Variants in INPPL1 observed in about 807,000 individuals in gnomAD.
INPPL1 encodes the protein phosphatidylinositol 3,4,5-trisphosphate 5-phosphatase 2.
Under a neutral mutation model 139.3 loss-of-function variants are expected in INPPL1, and 91 were observed. The ratio of observed to expected loss-of-function variants is 0.65; its 90% CI spans 0.55 to 0.78. The LOEUF (loss-of-function observed/expected upper bound fraction) is 0.78, where lower values mean the gene tolerates loss of function less well. Ranked by LOEUF, INPPL1 falls within the 30% of genes least tolerant of loss-of-function variation. The pLI is 0.00. For missense variants in INPPL1, 1,411 were observed against 1,665.6 expected (o/e 0.85, Z 2.66); for synonymous variants, 719 against 686.6 (o/e 1.05, Z -0.74).
Position 72,235,521 on chromosome 11 carries a change from T to A in INPPL1, c.2659+70T>A. On this transcript the variant is annotated intron_variant, in intron 23 of 27. Transcript: ENST00000298229. This position sits in a 1 kb window ranked among gnomAD's most constrained non-coding sequence, Gnocchi z 4.9. ...CAAGGAGGGCAGGGTGCGGGGGGCA[T>A]GTTGGAATCTCTGGGATACCTGGAG... is the stretch of plus-strand genomic sequence containing the variant. The A allele has an allele frequency of 6.4e-7, 1 of 1,571,142 alleles. No homozygotes were observed. Among genetic ancestry groups the A allele is most frequent in the Non-Finnish European group, 8.7e-7 (1 of 1,153,274 alleles).
intron 1 of INPPL1, among the ~76,000 whole-genome samples, chr11:72,225,741 C>A (rs995234840): frequency 1.3e-5 from 2 of 152,148 alleles, no homozygotes; most frequent in Admixed American, 6.5e-5. Flanking sequence ...ATTTCTGAAC[C>A]AATGAGTGAG....
chr11:72,232,980 T>C lies in INPPL1; in HGVS notation c.1951+6T>C. The C allele has an allele frequency of 6.2e-7, 1 of 1,613,596 alleles. No homozygotes were observed. Among genetic ancestry groups the C allele is most frequent in the Non-Finnish European group, 8.5e-7 (1 of 1,179,690 alleles). ...CAAGGTCTTCCTTCGATTCAGTGAGTGTGGGCCTGGTAGGTGGTGATCTGA... is the reference window on the plus strand; with the variant it reads ...CAAGGTCTTCCTTCGATTCAGTGAGCGTGGGCCTGGTAGGTGGTGATCTGA... On this transcript the variant is annotated splice_donor_region_variant and intron_variant, in intron 16 of 27. Coordinates refer to ENST00000298229, the MANE Select transcript of INPPL1 (RefSeq NM_001567.4).
chr11:72,233,521 T>C lies in INPPL1; in HGVS notation c.2121T>C (p.Tyr707=), dbSNP rs141675474. 1.4e-5 allele frequency: 22 copies of C among 1,613,798 alleles called. No individual in the cohort carries two copies. The South Asian group carries it at 1.5e-4, about 11-fold the overall frequency. Residue 707 remains tyrosine, a splice_region_variant and synonymous_variant, in exon 18 of 28, where the codon TAT becomes TAC. Transcript: ENST00000298229. The part of the protein sequence containing the change: ...YPETHIICNS[Y]GCTDDIVTSD... ...AAACTCACATCATCTGCAATTCTTATGGTCAGAGCCTCCCGGACAGAGTGA... is the reference window on the plus strand; with the variant it reads ...AAACTCACATCATCTGCAATTCTTACGGTCAGAGCCTCCCGGACAGAGTGA...
At chr11:72,225,611 G>A in intron 1 of INPPL1, 1 of 829,346 alleles carries the variant, frequency 1.2e-6, no homozygotes, top group Non-Finnish European at 1.5e-6. Flanking sequence ...CTTCCTTAGG[G>A]CCCCTTTCGG....
upstream of INPPL1, chr11:72,223,679 C>T (rs1408898135): frequency 6.6e-6 from 1 of 151,998 alleles, no homozygotes; most frequent in African/African-American, 2.4e-5. Context: ...GCTCGGCCCC[C>T]AGAGCCGGCC....
Position 72,234,510 on chromosome 11 carries a change from T to TCCC in INPPL1, c.2327-16_2327-14dup. ...GAGAGGTGGTGCTCAGTTGGGTGTC[T>TCCC]CCCACCCCCACCCCAGAATACAAGA... On this transcript the variant is annotated splice_polypyrimidine_tract_variant and intron_variant, in intron 20 of 27. Coordinates refer to ENST00000298229, the MANE Select transcript of INPPL1 (RefSeq NM_001567.4). The surrounding 1 kb of genome is among the most constrained non-coding windows in gnomAD (Gnocchi z 4.2). 6 of 1,588,412 alleles carry TCCC rather than the reference T, an allele frequency of 3.8e-6. No individual in the cohort carries two copies. The highest frequency in any genetic ancestry group is 5.2e-6 in the Non-Finnish European group (6 of 1,156,814).
intron 18 of INPPL1, 60 bp from the exon 19 acceptor site, chr11:72,233,595 G>A (rs1399895194): frequency 1.0e-5 from 16 of 1,605,648 alleles, no homozygotes; most frequent in Non-Finnish European, 1.4e-5. Context: ...AACCTTGGGA[G>A]GTGGGAGCCG....
chr11:72,236,559 TG>T (rs35752296), intron 25 of INPPL1, among the ~76,000 whole-genome samples: 2 of 152,376 alleles, frequency 1.3e-5, no homozygotes, highest in Middle Eastern at 6.8e-3. Flanking sequence ...ATTAACGTTC[TG>T]GGGAATTAGT....
chr11:72,225,342 TC>T, intron 1 of INPPL1, 176 bp downstream of exon 1: 1 of 985,390 alleles, frequency 1.0e-6, no homozygotes. Flanking sequence ...CAGGGGCACT[TC>T]CTGCTGTGTG....
chr11:72,233,537 G>A lies in INPPL1; in HGVS notation c.2122+15G>A, dbSNP rs1216378784. 6.2e-7 allele frequency: 1 copy of A among 1,612,466 alleles called. No homozygotes were observed. Among genetic ancestry groups the A allele is most frequent in the African/African-American group, 1.3e-5 (1 of 74,872 alleles). The stretch of plus-strand genomic sequence containing the variant: ...CAATTCTTATGGTCAGAGCCTCCCG[G>A]ACAGAGTGATGGGAGATCTGGGGTG... On this transcript the variant is annotated intron_variant, in intron 18 of 27. Transcript: ENST00000298229.
chr11:72,228,317 G>C lies in INPPL1; in HGVS notation c.247-31G>C, dbSNP rs1948730925. The C allele has an allele frequency of 6.2e-7, 1 of 1,613,868 alleles. No homozygotes were observed. Among genetic ancestry groups the C allele is most frequent in the Non-Finnish European group, 8.5e-7 (1 of 1,179,964 alleles). On this transcript the variant is annotated intron_variant, in intron 2 of 27. Transcript: ENST00000298229. This position sits in a 1 kb window ranked among gnomAD's most constrained non-coding sequence, Gnocchi z 5.0. ...CCTAGGGCTTGGGGACCTGCTGGCTGACCCTTCCTCCCACCCTTGCTGGCC... is the reference window on the plus strand; with the variant it reads ...CCTAGGGCTTGGGGACCTGCTGGCTCACCCTTCCTCCCACCCTTGCTGGCC...
At position 72,229,665 on chromosome 11, in the gene INPPL1, C is replaced by T. The variant is rs1395514139; in HGVS notation, c.756C>T (p.Asn252=). 2 of 1,614,068 alleles carry T rather than the reference C, an allele frequency of 1.2e-6. No homozygotes were observed. The highest frequency in any genetic ancestry group is 1.7e-5 in the Admixed American group (1 of 60,026). The change falls in exon 7 of 28, where the codon AAC becomes AAT. Residue 252 remains asparagine, a splice_region_variant and synonymous_variant. Coordinates refer to ENST00000298229, the MANE Select transcript of INPPL1 (RefSeq NM_001567.4). ...AGCCTGGTTCTTCCTCCCCCCAGAACCTGCCACAGACAGGGGAGCAGGAAC... is the reference window on the plus strand; with the variant it reads ...AGCCTGGTTCTTCCTCCCCCCAGAATCTGCCACAGACAGGGGAGCAGGAAC... ...PMVTRLLQQQ[N]LPQTGEQELE... is the part of the protein sequence containing the mutation.
In INPPL1 at chr11:72,234,526, G is replaced by A. The variant is rs1282742166; in HGVS notation, c.2327-1G>A. ...TTGGGTGTCTCCCACCCCCACCCCA[G>A]AATACAAGAAGAGCTTTGAGAATGA... On this transcript the variant is annotated splice_acceptor_variant, in intron 20 of 27. Coordinates refer to ENST00000298229, the MANE Select transcript of INPPL1 (RefSeq NM_001567.4). LOFTEE classifies it high-confidence loss of function. The surrounding 1 kb of genome is among the most constrained non-coding windows in gnomAD (Gnocchi z 4.2). 14 of 1,042,664 alleles carry A rather than the reference G, an allele frequency of 1.3e-5. No individual in the cohort carries two copies. Among genetic ancestry groups the A allele is most frequent in the East Asian group, 2.4e-5 (1 of 41,880 alleles). The allele number at this position is 1,042,664 out of a possible 1,614,324, so 64.6% of individuals were successfully genotyped here.
At position 72,231,133 on chromosome 11, in the gene INPPL1, TG is replaced by T; in HGVS notation, c.1443del (p.Trp481CysfsTer50). 6.2e-7 allele frequency: 1 copy of T among 1,613,716 alleles called. No individual in the cohort carries two copies. The highest frequency in any genetic ancestry group is 8.5e-7 in the Non-Finnish European group (1 of 1,179,990). ...TQENSVGDREWLDLLRGGLKE... is the reference protein window; with the variant it reads ...TQENSVGDREXLDLLRGGLKE... ...GGAGAACTCAGTGGGCGACCGCGAGTGGCTGGACCTACTGCGCGGGGGCCTC... is the reference window on the plus strand; with the variant it reads ...GGAGAACTCAGTGGGCGACCGCGAGTGCTGGACCTACTGCGCGGGGGCCTC... On this transcript the variant is annotated frameshift_variant, in exon 12 of 28. Transcript: ENST00000298229. LOFTEE classifies it high-confidence loss of function.
rs1312497228 is a variant in INPPL1, at chr11:72,231,165, G to A, written c.1473G>A (p.Glu491=). ...ACCTACTGCGCGGGGGCCTCAAGGA[G>A]CTTACGGATCTGGATTACCGCCCGG... ...WLDLLRGGLK[E]LTDLDYRPIA... Residue 491 remains glutamate (E), a synonymous_variant, in exon 12 of 28, where the codon GAG becomes GAA. Transcript: ENST00000298229. The A allele has an allele frequency of 1.2e-6, 2 of 1,613,054 alleles. No homozygotes were observed. Among genetic ancestry groups the A allele is most frequent in the Non-Finnish European group, 1.7e-6 (2 of 1,179,896 alleles).
rs773871418 is a variant in INPPL1 at position 72,229,488 on chromosome 11, G to T, written c.683G>T (p.Gly228Val). 1 of 1,614,138 alleles carries T rather than the reference G, an allele frequency of 6.2e-7. No homozygotes were observed. The highest frequency in any genetic ancestry group is 8.5e-7 in the Non-Finnish European group (1 of 1,180,016). Reference sequence around the variant, plus strand: ...AGTGAGGTGGACAAGGTCCTGTCAGGCCTGGAGATCCTGTCCAAGGTGTTT... The same window carrying T: ...AGTGAGGTGGACAAGGTCCTGTCAGTCCTGGAGATCCTGTCCAAGGTGTTT... ...LHSEVDKVLS[G>V]LEILSKVFDQ... The change falls in exon 6 of 28, where the codon GGC becomes GTC. Residue 228 changes from glycine to valine, a missense_variant. By Grantham distance (109) the Gly-to-Val change is moderately radical (BLOSUM62 -3). Around this residue, in one of 5 missense-constraint regions of INPPL1, gnomAD observed 504 missense variants for 595.6 expected, o/e 0.85. Transcript: ENST00000298229.
intron 26 of INPPL1, 110 bp from the exon 27 acceptor site, chr11:72,237,932 G>GT: frequency 1.4e-6 from 2 of 1,446,960 alleles, no homozygotes; most frequent in Non-Finnish European, 1.8e-6. Flanking sequence ...GGAGACACAT[G>GT]TATCAGCCCA....
intron 1 of INPPL1, 26 bp downstream of exon 1, chr11:72,225,192 G>A (rs1385638564): frequency 7.4e-6 from 7 of 947,296 alleles, no homozygotes; most frequent in African/African-American, 4.9e-5. Context: ...GCTCCTTGCG[G>A]GCTGGCGTGG....
At position 72,238,285 on chromosome 11, in the gene INPPL1, G is replaced by A. The variant is rs1316524684; in HGVS notation, c.3709G>A (p.Glu1237Lys). 1 of 1,611,428 alleles carries A rather than the reference G, an allele frequency of 6.2e-7. No individual in the cohort carries two copies. ...CAGTGACATCACCGAGGAGGACTTGGAGGAGGCTGGGGTGCAGGACCCGGC... is the reference window on the plus strand; with the variant it reads ...CAGTGACATCACCGAGGAGGACTTGAAGGAGGCTGGGGTGCAGGACCCGGC... ...FLSDITEEDL[E>K]EAGVQDPAHK... Residue 1237 changes from glutamate (E) to lysine (K), a missense_variant, in exon 28 of 28, where the codon GAG becomes AAG. Physicochemically the swap from Glu to Lys is moderately conservative, Grantham distance 56. Coordinates refer to ENST00000298229, the MANE Select transcript of INPPL1 (RefSeq NM_001567.4).
Sources: allele counts gnomAD v4.1 joint callset (sites outside exome capture counted in the v4.1 genomes callset), GRCh38; gene constraint gnomAD v4.1.1; regional missense constraint gnomAD v4.1.1; non-coding constraint Gnocchi (gnomAD v3.1); transcripts MANE v1.5; gene names NCBI Gene and HGNC (gene_info 2026-07-23, HGNC 2026-07-21).